Variants in DAOA observed in about 807,000 individuals in gnomAD.
DAOA encodes the protein D-amino acid oxidase regulator.
Under a neutral mutation model 16.4 loss-of-function variants are expected in DAOA, and 15 were observed. The ratio of observed to expected loss-of-function variants is 0.91; its 90% confidence interval spans 0.61 to 1.41. DAOA has a LOEUF of 1.41. DAOA is among the 40% of genes most tolerant of loss of function. The probability of loss-of-function intolerance (pLI) is 0.00; values close to 1 mark genes in which losing one functional copy is unlikely to be tolerated. For synonymous variants in DAOA, 75 were observed against 59.1 expected (o/e 1.27, Z -1.23); for missense variants, 230 against 176.8 (o/e 1.30, Z -1.71).
chr13:105,489,278 T>C (rs1311304245), intron 4 of DAOA, among the ~76,000 whole-genome samples: 1 of 152,198 alleles, frequency 6.6e-6, no homozygotes, highest in East Asian at 1.9e-4. Context: ...TGAATTTGAA[T>C]TCCTGCTCCA....
chr13:105,474,051 T>C (rs1877173106), intron 4 of DAOA, among the ~76,000 whole-genome samples: 1 of 152,294 alleles, frequency 6.6e-6, no homozygotes, highest in South Asian at 2.1e-4. Context: ...TGTTCTAATT[T>C]AAACTATGTA....
At chr13:105,475,990 A>G (rs1230577189) in intron 4 of DAOA, among the ~76,000 whole-genome samples, 1 of 152,176 alleles carries the variant, frequency 6.6e-6, no homozygotes, top group East Asian at 1.9e-4. Flanking sequence ...ACATATATAT[A>G]TACCCACATT....
At chr13:105,481,084 T>C (rs9586865) in intron 4 of DAOA, among the ~76,000 whole-genome samples, 11,184 of 152,226 alleles carry the variant, frequency 0.073, 556 homozygotes, top group African/African-American at 0.14. Flanking sequence ...CACATGTTAA[T>C]CTAGTAATGT....
At position 105,472,554 on chromosome 13, in the gene DAOA, A is replaced by C; in HGVS notation, c.150A>C (p.Glu50Asp). Reference sequence around the variant, plus strand: ...CTGTTGCAGCAAAGGAGACAGAAGAAGGAAGAGAGACGGTAACAAGGAAAG... The same window carrying C: ...CTGTTGCAGCAAAGGAGACAGAAGACGGAAGAGAGACGGTAACAAGGAAAG... ...SLNSIAKETE[E>D]GRETVTRKEG... The change falls in exon 4 of 6, where the codon GAA becomes GAC. Residue 50 changes from glutamate (E) to aspartate (D), a missense_variant. By Grantham distance (45) the Glu-to-Asp change is conservative. Coordinates refer to ENST00000375936, the MANE Select transcript of DAOA (RefSeq NM_172370.5). 6.2e-7 allele frequency: 1 copy of C among 1,614,018 alleles called. No homozygotes were observed. Among genetic ancestry groups the C allele is most frequent in the Non-Finnish European group, 8.5e-7 (1 of 1,179,924 alleles).
intron 4 of DAOA, among the ~76,000 whole-genome samples, chr13:105,473,722 A>G (rs1877150768): frequency 6.6e-6 from 1 of 152,134 alleles, no homozygotes; most frequent in Non-Finnish European, 1.5e-5. Context: ...GATGAGCTAT[A>G]ATCTGTCTAT....
intron 3 of DAOA, among the ~76,000 whole-genome samples, chr13:105,468,468 T>G (rs1347622574): frequency 6.6e-6 from 1 of 152,230 alleles, no homozygotes; most frequent in Non-Finnish European, 1.5e-5. Flanking sequence ...CTGACCAAGA[T>G]TGATGATTAC....
intron 4 of DAOA, chr13:105,477,201 G>A (rs1255256403): frequency 6.6e-6 from 1 of 152,148 alleles, no homozygotes; most frequent in Non-Finnish European, 1.5e-5. Context: ...CCAGACCTTG[G>A]ATCTGGAAGG....
At chr13:105,476,329 C>T (rs1342271355) in intron 4 of DAOA, among the ~76,000 whole-genome samples, 2 of 151,772 alleles carry the variant, frequency 1.3e-5, no homozygotes, top group African/African-American at 4.8e-5. Flanking sequence ...AAGTCATTTC[C>T]AAATGTCTAT....
At chr13:105,472,407 C>G (rs954340615) in intron 3 of DAOA, 131 bp from the exon 4 acceptor site, 9 of 1,311,620 alleles carry the variant, frequency 6.9e-6, no homozygotes, top group Non-Finnish European at 9.1e-6. Context: ...TTTGTCTTAA[C>G]CAAAAACCTC....
intron 4 of DAOA, among the ~76,000 whole-genome samples, chr13:105,476,937 G>A (rs1335173538): frequency 6.6e-6 from 1 of 152,046 alleles, no homozygotes; most frequent in Non-Finnish European, 1.5e-5. Context: ...CGTTTTCATA[G>A]CCCTCTGCAG....
intron 2 of DAOA, 195 bp downstream of exon 2, chr13:105,466,527 G>A (rs983107400): frequency 1.9e-5 from 16 of 838,250 alleles, no homozygotes; most frequent in Non-Finnish European, 2.8e-5. Context: ...CCTAGCCAAG[G>A]ATCACTCATG....
Position 105,486,623 on chromosome 13 carries a change from T to C in DAOA, c.282-3278T>C, listed in dbSNP as rs1182336166. ...TCGACTATTTTCTTTCTTTCTTTCT[T>C]TTTTTTTCTTTTGAGACAGAGTTTC... On this transcript the variant is annotated intron_variant, in intron 4 of 5. Coordinates refer to ENST00000375936, the MANE Select transcript of DAOA (RefSeq NM_172370.5). Among the ~76,000 whole-genome samples, 7 of 151,834 alleles carry C rather than the reference T, an allele frequency of 4.6e-5. No homozygotes were observed. The East Asian group carries it at 1.4e-3, about 30-fold the overall frequency.
intron 4 of DAOA, among the ~76,000 whole-genome samples, chr13:105,482,283 T>G (rs1380990320): frequency 6.6e-6 from 1 of 152,188 alleles, no homozygotes; most frequent in Non-Finnish European, 1.5e-5. Flanking sequence ...TTTTGTCTCA[T>G]GCCTTATTTA....
chr13:105,479,627 G>A (rs1413430034), intron 4 of DAOA, among the ~76,000 whole-genome samples: 1 of 152,098 alleles, frequency 6.6e-6, no homozygotes, highest in Non-Finnish European at 1.5e-5. Context: ...CTGTGGCTCT[G>A]CTCCTCTTCC....
At chr13:105,487,508 T>A (rs1878209309) in intron 4 of DAOA, among the ~76,000 whole-genome samples, 1 of 151,862 alleles carries the variant, frequency 6.6e-6, no homozygotes, top group Admixed American at 6.6e-5. Flanking sequence ...CTCTCCCTGA[T>A]ACCTTTTCCC....
At chr13:105,472,726 G>A in intron 4 of DAOA, 41 bp downstream of exon 4, 1 of 1,561,380 alleles carries the variant, frequency 6.4e-7, no homozygotes, top group Non-Finnish European at 8.7e-7. Flanking sequence ...CCAGGAGAAA[G>A]CTAAATGCTA....
chr13:105,478,901 T>C (rs1434613422), intron 4 of DAOA, among the ~76,000 whole-genome samples: 1 of 152,214 alleles, frequency 6.6e-6, no homozygotes, highest in East Asian at 1.9e-4. Flanking sequence ...CTTCAATTTT[T>C]AGCCAAACTA....
At chr13:105,484,950 A>G (rs569029867) in intron 4 of DAOA, among the ~76,000 whole-genome samples, 1 of 152,088 alleles carries the variant, frequency 6.6e-6, no homozygotes, top group Non-Finnish European at 1.5e-5. Flanking sequence ...TGGCTGCCTG[A>G]TGTTTTTTGT....
At position 105,467,582 on chromosome 13, in the gene DAOA, T is replaced by A. The variant is rs1475819116; in HGVS notation, c.133+441T>A. Reference sequence around the variant, plus strand: ...TAATCTGTCAACGTTTAATTCTTTTTCTTTTTTTTTTTTTTTTCTGGAGAC... The same window carrying A: ...TAATCTGTCAACGTTTAATTCTTTTACTTTTTTTTTTTTTTTTCTGGAGAC... On this transcript the variant is annotated intron_variant, in intron 3 of 5. Transcript: ENST00000375936. The A allele has an allele frequency of 3.8e-5, 5 of 131,894 alleles. No individual in the cohort carries two copies. In the Admixed American group the frequency reaches 3.9e-4, roughly 10 times the overall value. The allele number at this position is 131,894 out of a possible 1,614,324, so 8.2% of individuals were successfully genotyped here.
Sources: allele counts gnomAD v4.1 joint callset (sites outside exome capture counted in the v4.1 genomes callset), GRCh38; gene constraint gnomAD v4.1.1; transcripts MANE v1.5; gene names NCBI Gene and HGNC (gene_info 2026-07-23, HGNC 2026-07-21).